The following MYO5B variants were observed in gnomAD, a reference collection of about 807,000 sequenced individuals.
MYO5B encodes unconventional myosin-Vb.
Under a neutral mutation model 229.3 loss-of-function variants are expected in MYO5B, and 143 were observed. The ratio of observed to expected loss-of-function variants is 0.62; its 90% CI spans 0.54 to 0.72. The LOEUF (loss-of-function observed/expected upper bound fraction) is 0.72. MYO5B is among the 30% of genes least tolerant of loss of function. MYO5B has a pLI of 0.00. For synonymous variants in MYO5B, 918 were observed against 885.2 expected, an observed-to-expected ratio of 1.04 and a Z score of -0.66; for missense variants, 2,321 against 2,331.0, an observed-to-expected ratio of 1.00 and a Z score of 0.09.
At position 49,826,378 on chromosome 18, in the gene MYO5B, T is replaced by C; in HGVS notation, c.*93A>G. On this transcript the variant is annotated 3_prime_UTR_variant, in exon 40 of 40. Transcript: ENST00000285039. The stretch of plus-strand genomic sequence containing the variant: ...GTCAATCTCTGATTTGATCTACTTT[T>C]ACCAGATTTAACAGATCCTTGAATT... 6.8e-7 allele frequency: 1 copy of C among 1,471,166 alleles called. No homozygotes were observed. The highest frequency in any genetic ancestry group is 9.3e-7 in the Non-Finnish European group (1 of 1,070,338). The allele number at this position is 1,471,166 out of a possible 1,614,324, so 91.1% of individuals were successfully genotyped here. A position where few individuals can be genotyped will look rare whatever the true frequency, so the allele number is the denominator to read the frequency against.
chr18:50,112,341 G>A (rs2031879598), intron 1 of MYO5B, among the ~76,000 whole-genome samples: 1 of 152,120 alleles, frequency 6.6e-6, no homozygotes, highest in South Asian at 2.1e-4. Context: ...CTGCTATTAA[G>A]GATAAATATG....
chr18:50,155,026 C>T (rs2032657831), intron 1 of MYO5B, among the ~76,000 whole-genome samples: 1 of 152,226 alleles, frequency 6.6e-6, no homozygotes, highest in East Asian at 1.9e-4. Flanking sequence ...ATCTCAGTTG[C>T]AACTCTTCTT....
At chr18:49,925,217 C>T (rs1054075850) in intron 17 of MYO5B, among the ~76,000 whole-genome samples, 1 of 152,234 alleles carries the variant, frequency 6.6e-6, no homozygotes, top group Non-Finnish European at 1.5e-5. Flanking sequence ...AAACCCTGGT[C>T]TCCACCACCC....
intron 1 of MYO5B, chr18:50,063,715 A>G (rs569072308): frequency 1.3e-5 from 2 of 152,362 alleles, no homozygotes; most frequent in South Asian, 2.1e-4. Flanking sequence ...TCCACATGCT[A>G]TGGTATCGTA....
intron 1 of MYO5B, chr18:50,097,432 G>C (rs982454462): frequency 1.4e-5 from 5 of 356,646 alleles, no homozygotes; most frequent in Admixed American, 1.0e-4. Flanking sequence ...AAACTTGTTT[G>C]GGCCACATAT....
chr18:50,039,814 G>C (rs1184631366), intron 3 of MYO5B, among the ~76,000 whole-genome samples: 1 of 151,990 alleles, frequency 6.6e-6, no homozygotes, highest in South Asian at 2.1e-4. Flanking sequence ...ACAAAACAAG[G>C]GTTCGGTGCT....
intron 1 of MYO5B, among the ~76,000 whole-genome samples, chr18:50,176,573 T>C (rs1386969980): frequency 6.6e-6 from 1 of 152,176 alleles, no homozygotes; most frequent in East Asian, 1.9e-4. Flanking sequence ...AAGTTCATCC[T>C]CCCTTGCATA....
intron 1 of MYO5B, among the ~76,000 whole-genome samples, chr18:50,125,574 G>T (rs2032148456): frequency 6.6e-6 from 1 of 152,138 alleles, no homozygotes; most frequent in Non-Finnish European, 1.5e-5. Context: ...CTCATATATA[G>T]TGCTTGCTAT....
intron 2 of MYO5B, among the ~76,000 whole-genome samples, chr18:50,042,102 C>T (rs529408854): frequency 6.6e-6 from 1 of 152,286 alleles, no homozygotes; most frequent in South Asian, 2.1e-4. Flanking sequence ...AGTTACACCA[C>T]TTGTGGGGAC....
intron 17 of MYO5B, among the ~76,000 whole-genome samples, chr18:49,912,432 A>G (rs2024968703): frequency 6.6e-6 from 1 of 152,210 alleles, no homozygotes; most frequent in Non-Finnish European, 1.5e-5. Context: ...AGGACTAAAC[A>G]GGAAGTTTAT....
At chr18:49,878,295 A>T (rs1212103998) in intron 24 of MYO5B, among the ~76,000 whole-genome samples, 2 of 152,168 alleles carry the variant, frequency 1.3e-5, no homozygotes, top group African/African-American at 4.8e-5. Flanking sequence ...AGCATATTAA[A>T]AATAGTTTAC....
chr18:50,110,029 T>A (rs985684171), intron 1 of MYO5B, among the ~76,000 whole-genome samples: 3 of 151,926 alleles, frequency 2.0e-5, no homozygotes, highest in African/African-American at 7.3e-5. Context: ...CTCTCCCCAC[T>A]CCCTTCACTC....
intron 1 of MYO5B, among the ~76,000 whole-genome samples, chr18:50,074,042 G>A (rs187668817): frequency 1.6e-4 from 24 of 152,200 alleles, no homozygotes; most frequent in Admixed American, 1.0e-3. Flanking sequence ...CCATTTTCAC[G>A]TTGCTGATAA....
chr18:50,031,733 G>C (rs2144374976), intron 4 of MYO5B, among the ~76,000 whole-genome samples: 1 of 152,256 alleles, frequency 6.6e-6, no homozygotes, highest in South Asian at 2.1e-4. Flanking sequence ...ATTTTTCTTT[G>C]AACATCTCTT....
intron 38 of MYO5B, among the ~76,000 whole-genome samples, chr18:49,836,309 G>A (rs541285103): frequency 6.6e-6 from 1 of 152,198 alleles, no homozygotes; most frequent in Non-Finnish European, 1.5e-5. Context: ...TAAAGAAAAG[G>A]TTTTTCTTAC....
rs1197296403 is a variant in MYO5B, at chr18:49,834,492, C to T, written c.5394+852G>A. Reference sequence around the variant, plus strand: ...ACACTGTCACAGTTACTATCACATGCAAAGGTCAGGCGCTCAGCCATCACC... The same window carrying T: ...ACACTGTCACAGTTACTATCACATGTAAAGGTCAGGCGCTCAGCCATCACC... On this transcript the variant is annotated intron_variant, in intron 39 of 39. Transcript: ENST00000285039. Among the ~76,000 whole-genome samples, 5 of 152,182 alleles carry T rather than the reference C, an allele frequency of 3.3e-5. 1 individual carries two copies. In the South Asian group the frequency reaches 6.2e-4, roughly 19 times the overall value.
At chr18:49,934,495 A>G (rs924653864) in intron 16 of MYO5B, among the ~76,000 whole-genome samples, 12 of 152,358 alleles carry the variant, frequency 7.9e-5, no homozygotes, top group Admixed American at 7.2e-4. Flanking sequence ...TCTGTCCCAC[A>G]GCAGGGACAC....
At chr18:50,120,615 G>T (rs751095120) in intron 1 of MYO5B, among the ~76,000 whole-genome samples, 4 of 152,154 alleles carry the variant, frequency 2.6e-5, no homozygotes, top group African/African-American at 9.7e-5. Context: ...GCAATCCAGG[G>T]TCCCAGCCTG....
intron 1 of MYO5B, among the ~76,000 whole-genome samples, chr18:50,080,169 A>C (rs2031184982): frequency 6.6e-6 from 1 of 152,186 alleles, no homozygotes; most frequent in Non-Finnish European, 1.5e-5. Flanking sequence ...GTACCGCTTT[A>C]AAAAGACACG....
Sources: allele counts gnomAD v4.1 joint callset (sites outside exome capture counted in the v4.1 genomes callset), GRCh38; gene constraint gnomAD v4.1.1; transcripts MANE v1.5; gene names NCBI Gene and HGNC (gene_info 2026-07-23, HGNC 2026-07-21).